The following PLOD1 variants were observed in gnomAD, a reference collection of about 807,000 sequenced individuals.
The protein encoded by PLOD1 is procollagen-lysine,2-oxoglutarate 5-dioxygenase 1.
A neutral mutation model predicts 94.7 loss-of-function variants in PLOD1; 70 were observed. The observed-to-expected ratio is 0.74, with a 90% CI of 0.61 to 0.90. PLOD1 has a LOEUF of 0.90. PLOD1 is among the 40% of genes least tolerant of loss of function. The pLI is 0.00. For synonymous variants in PLOD1, 417 were observed against 400.2 expected (o/e 1.04, Z -0.50); for missense variants, 905 against 972.7 (o/e 0.93, Z 0.93).
intron 4 of PLOD1, 32 bp from the exon 5 acceptor site, chr1:11,952,591 C>T (rs372314027): frequency 2.2e-5 from 33 of 1,506,572 alleles, no homozygotes; most frequent in Middle Eastern, 1.7e-4. Flanking sequence ...AGCTAAGGGT[C>T]CGTCTTGGTG....
At chr1:11,944,422 T>TATACACACACAC in intron 1 of PLOD1, 1 of 475,660 alleles carries the variant, frequency 2.1e-6, no homozygotes. Flanking sequence ...CATGCACGCG[T>TATACACACACAC]ACACACACAC....
chr1:11,950,772 C>T (rs538842465), intron 4 of PLOD1, among the ~76,000 whole-genome samples: 8 of 152,256 alleles, frequency 5.3e-5, no homozygotes, highest in Admixed American at 1.3e-4. Context: ...CCTCCACCTA[C>T]GTCCAATGCC....
At chr1:11,935,886 A>C (rs1191794686) in intron 1 of PLOD1, among the ~76,000 whole-genome samples, 1 of 151,460 alleles carries the variant, frequency 6.6e-6, no homozygotes, top group African/African-American at 2.4e-5. Flanking sequence ...GCCTCCCAAA[A>C]TGTTTGGATT....
chr1:11,947,551 CAG>C (rs1645664839), intron 1 of PLOD1, among the ~76,000 whole-genome samples: 1 of 152,130 alleles, frequency 6.6e-6, no homozygotes, highest in South Asian at 2.1e-4. Flanking sequence ...GCCTGGGTGA[CAG>C]AGTGAGACTC....
chr1:11,950,069 G>A (rs1230622307), intron 3 of PLOD1, among the ~76,000 whole-genome samples, 163 bp downstream of exon 3: 2 of 152,220 alleles, frequency 1.3e-5, no homozygotes, highest in African/African-American at 4.8e-5. Flanking sequence ...CCCATTCCCA[G>A]GCTTGGTGAA....
In PLOD1 at chr1:11,957,166, C is replaced by T. The variant is rs746070921; in HGVS notation, c.741+152C>T. 9.1e-6 allele frequency: 7 copies of T among 767,750 alleles called. No homozygotes were observed. The highest frequency in any genetic ancestry group is 2.7e-5 in the South Asian group (2 of 73,698). The allele number at this position is 767,750 out of a possible 1,614,324, so 47.6% of individuals were successfully genotyped here. A position where few individuals can be genotyped will look rare whatever the true frequency, so the allele number is the denominator to read the frequency against. ...CCTCTGTCCTCACATCTGAGCTCAG[C>T]GTGATGCCTTCTTTTCCTGCTGTGG... is the stretch of plus-strand genomic sequence containing the variant. On this transcript the variant is annotated intron_variant, in intron 7 of 18. Coordinates refer to ENST00000196061, the MANE Select transcript of PLOD1 (RefSeq NM_000302.4). The surrounding 1 kb of genome is among the most constrained non-coding windows in gnomAD (Gnocchi z 4.1).
chr1:11,975,083 C>A lies in PLOD1; in HGVS notation c.*275C>A. ...TTTGTAGTGACTCGTGCTCTCCAAC[C>A]TGTCTTCCTGAAAAACCAAGGCCCC... On this transcript the variant is annotated 3_prime_UTR_variant, in exon 19 of 19. Coordinates refer to ENST00000196061, the MANE Select transcript of PLOD1 (RefSeq NM_000302.4). 2.0e-6 allele frequency: 1 copy of A among 512,390 alleles called. No individual in the cohort carries two copies. Among genetic ancestry groups the A allele is most frequent in the South Asian group, 2.1e-5 (1 of 48,618 alleles). 31.7% of individuals were successfully genotyped at this position (512,390 alleles called of 1,614,324 possible).
chr1:11,943,998 G>GAGGC (rs1442028031), intron 1 of PLOD1, among the ~76,000 whole-genome samples: 4 of 152,152 alleles, frequency 2.6e-5, no homozygotes, highest in Non-Finnish European at 5.9e-5. Context: ...TTGGGAAGCT[G>GAGGC]AGGCAGGCAG....
intron 16 of PLOD1, among the ~76,000 whole-genome samples, chr1:11,970,420 G>GA (rs1645853108): frequency 6.6e-6 from 1 of 152,202 alleles, no homozygotes; most frequent in Non-Finnish European, 1.5e-5. Context: ...GCAACAGAGG[G>GA]ATACCCTGTC....
intron 16 of PLOD1, among the ~76,000 whole-genome samples, chr1:11,969,545 C>T (rs1204760878): frequency 2.6e-5 from 4 of 152,218 alleles, no homozygotes; most frequent in African/African-American, 9.6e-5. Context: ...CGGACCCCAG[C>T]TGACTCTGGC....
chr1:11,934,783 C>T lies in PLOD1; in HGVS notation c.4C>T (p.Arg2Trp), dbSNP rs1402614845. ...GATCGTCCCCCATACCTCGGCCATG[C>T]GGCCCCTGCTGCTACTGGCCCTGCT... M[R>W]PLLLLALLGW... The change falls in exon 1 of 19, where the codon CGG becomes TGG. Residue 2 changes from arginine to tryptophan, a missense_variant. Transcript: ENST00000196061. 5 of 1,537,630 alleles carry T rather than the reference C, an allele frequency of 3.3e-6. No homozygotes were observed. In the East Asian group the frequency reaches 7.4e-5, roughly 23 times the overall value.
chr1:11,949,711 C>G, intron 2 of PLOD1, 62 bp from the exon 3 acceptor site: 1 of 1,571,762 alleles, frequency 6.4e-7, no homozygotes, highest in Non-Finnish European at 8.7e-7. Flanking sequence ...TGAGCCACCA[C>G]GGCCAGCCCT....
chr1:11,963,387 C>T lies in PLOD1; in HGVS notation c.1098-145C>T, dbSNP rs558816443. The stretch of plus-strand genomic sequence containing the variant: ...AGTCCAGGGGTTTGGGACTCAGAGT[C>T]GGGAGGAACCTTTGAGGCTGCTGGT... On this transcript the variant is annotated intron_variant, in intron 10 of 18. Transcript: ENST00000196061. The surrounding 1 kb of genome is among the most constrained non-coding windows in gnomAD (Gnocchi z 4.3). The T allele has an allele frequency of 2.6e-4, 174 of 679,360 alleles. 3 individuals carry two copies. The highest frequency in any genetic ancestry group is 2.5e-3 in the South Asian group (157 of 63,124). 42.1% of individuals were successfully genotyped at this position (679,360 alleles called of 1,614,324 possible). A position where few individuals can be genotyped will look rare whatever the true frequency, so the allele number is the denominator to read the frequency against.
intron 1 of PLOD1, among the ~76,000 whole-genome samples, chr1:11,937,807 C>T (rs1289554959): frequency 1.3e-5 from 2 of 152,108 alleles, no homozygotes; most frequent in Non-Finnish European, 2.9e-5. Flanking sequence ...GTAGAAAGCA[C>T]ATCTGTGCTC....
In PLOD1 at chr1:11,948,035, C is replaced by A. The variant is rs138698098; in HGVS notation, c.136C>A (p.Arg46Ser). 3 of 1,613,696 alleles carry A rather than the reference C, an allele frequency of 1.9e-6. No individual in the cohort carries two copies. The Admixed American group carries it at 5.0e-5, about 27-fold the overall frequency. ...GACCGAGGGATTCCGTCGCTTCAAGCGCTCAGCTCAGTTCTTCAACTACAA... is the reference window on the plus strand; with the variant it reads ...GACCGAGGGATTCCGTCGCTTCAAGAGCTCAGCTCAGTTCTTCAACTACAA... ...KETEGFRRFK[R>S]SAQFFNYKIQ... The change falls in exon 2 of 19, where the codon CGC becomes AGC. Residue 46 changes from arginine to serine, a missense_variant. By Grantham distance (110) the Arg-to-Ser change is moderately radical. Coordinates refer to ENST00000196061, the MANE Select transcript of PLOD1 (RefSeq NM_000302.4).
Position 11,956,985 on chromosome 1 carries a change from G to A in PLOD1, c.712G>A (p.Val238Ile). Residue 238 changes from valine to isoleucine, a missense_variant, in exon 7 of 19, where the codon GTC (valine) becomes ATC (isoleucine). Physicochemically the swap from Val to Ile is conservative, Grantham distance 29. Transcript: ENST00000196061. Reference protein sequence around the residue: ...ARNLAYDTLPVLIHGNGPTKL... With the variant: ...ARNLAYDTLPILIHGNGPTKL... ...GAACCTGGCCTATGACACCCTCCCG[G>A]TCCTGATCCATGGCAACGGGCCAAC... 6.2e-7 allele frequency: 1 copy of A among 1,613,636 alleles called. No individual in the cohort carries two copies. Among genetic ancestry groups the A allele is most frequent in the Non-Finnish European group, 8.5e-7 (1 of 1,179,626 alleles).
At chr1:11,948,686 C>T (rs943327786) in intron 2 of PLOD1, among the ~76,000 whole-genome samples, 6 of 151,674 alleles carry the variant, frequency 4.0e-5, no homozygotes, top group East Asian at 1.9e-4. Flanking sequence ...GCCGAGGTGG[C>T]GTCACTGCAC....
At position 11,974,642 on chromosome 1, in the gene PLOD1, C is replaced by T; in HGVS notation, c.2029-11C>T. On this transcript the variant is annotated splice_polypyrimidine_tract_variant and intron_variant, in intron 18 of 18. Coordinates refer to ENST00000196061, the MANE Select transcript of PLOD1 (RefSeq NM_000302.4). ...GGTGGGGAAAGGCCACTGATGCTTT[C>T]TGTCTCCCAGGGCGGGGGCTGTCGG... The T allele has an allele frequency of 6.2e-7, 1 of 1,612,172 alleles. No homozygotes were observed. The highest frequency in any genetic ancestry group is 8.5e-7 in the Non-Finnish European group (1 of 1,178,620).
chr1:11,970,065 A>T (rs548079072), intron 16 of PLOD1, among the ~76,000 whole-genome samples: 2 of 144,570 alleles, frequency 1.4e-5, no homozygotes, highest in Admixed American at 1.4e-4. Context: ...ACATGATGAA[A>T]CCCCATCTCT....
Sources: gnomAD v4.1 joint callset for allele counts (sites outside exome capture counted in the v4.1 genomes callset) on GRCh38, gnomAD v4.1.1 for gene constraint, Gnocchi (gnomAD v3.1) non-coding constraint, MANE v1.5 for transcripts, NCBI Gene and HGNC (gene_info 2026-07-23, HGNC 2026-07-21) for gene names.